TRIM37: variants seen among roughly 807,000 people sequenced by gnomAD.
The protein encoded by TRIM37 is E3 ubiquitin-protein ligase TRIM37.
TRIM37 carries 80 observed loss-of-function variants against 129.8 expected under a neutral mutation model. That is an observed-to-expected ratio of 0.62 (90% CI 0.51 to 0.74). The LOEUF is 0.74. TRIM37 is among the 30% of genes least tolerant of loss of function. The pLI, the probability that TRIM37 is intolerant of heterozygous loss-of-function variation, is 0.00. For missense variants in TRIM37, 1,054 were observed against 1,176.5 expected (o/e 0.90, Z 1.52); for synonymous variants, 389 against 387.1 (o/e 1.00, Z -0.06).
chr17:58,973,915 G>C, the TRIM37 span, among the ~76,000 whole-genome samples: 1 of 136,334 alleles, frequency 7.3e-6, no homozygotes, highest in Admixed American at 8.4e-5. Flanking sequence ...TCGCGCCACT[G>C]CGCTCCAGGC....
intron 8 of TRIM37, among the ~76,000 whole-genome samples, chr17:59,074,945 G>A (rs1480637584): frequency 1.3e-5 from 2 of 152,052 alleles, no homozygotes; most frequent in Admixed American, 6.6e-5. Context: ...ATCTATTTAG[G>A]ACTTAATATT....
intron 3 of TRIM37, among the ~76,000 whole-genome samples, chr17:59,088,714 T>C (rs1424522403): frequency 1.3e-5 from 2 of 151,806 alleles, no homozygotes; most frequent in African/African-American, 2.4e-5. Context: ...ACGGGAATCT[T>C]GCTATATTTC....
intron 3 of TRIM37, among the ~76,000 whole-genome samples, chr17:59,090,839 T>C (rs2044234360): frequency 6.6e-6 from 1 of 152,174 alleles, no homozygotes. Context: ...TTGGCCAGGC[T>C]GGTGTCGAAT....
the TRIM37 span, among the ~76,000 whole-genome samples, chr17:58,968,518 C>T: frequency 2.6e-5 from 4 of 152,134 alleles, no homozygotes; most frequent in Non-Finnish European, 5.9e-5. Flanking sequence ...GCAACTCGTC[C>T]CTGCCTAACA....
At chr17:59,087,781 G>C (rs2043904741) in intron 4 of TRIM37, among the ~76,000 whole-genome samples, 1 of 152,080 alleles carries the variant, frequency 6.6e-6, no homozygotes, top group Non-Finnish European at 1.5e-5. Flanking sequence ...ATTATTGCTG[G>C]ACAGTGAAGC....
chr17:59,053,565 A>T (rs1190953936), intron 13 of TRIM37, among the ~76,000 whole-genome samples: 2 of 152,004 alleles, frequency 1.3e-5, no homozygotes, highest in Non-Finnish European at 1.5e-5. Flanking sequence ...AATGTTGCTT[A>T]AAAAAAATGA....
In TRIM37 at chr17:59,028,700, C is replaced by T; in HGVS notation, c.1972G>A (p.Asp658Asn). ...CACATTGCCTGTTGCTTCCTTTGGT[C>T]TTTATCTTTTCGAGAATATGATGCT... ...PTASYSRKDK[D>N]QRKQQAMWRV... The change falls in exon 19 of 24, where the codon GAC (aspartate) becomes AAC (asparagine). Residue 658 changes from aspartate (D) to asparagine (N), a missense_variant. Asp to Asn is a conservative substitution (Grantham distance 23). Coordinates refer to ENST00000262294, the MANE Select transcript of TRIM37 (RefSeq NM_015294.6). 1.2e-6 allele frequency: 2 copies of T among 1,614,102 alleles called. No homozygotes were observed. The highest frequency in any genetic ancestry group is 1.7e-6 in the Non-Finnish European group (2 of 1,180,010).
intron 8 of TRIM37, 74 bp downstream of exon 8, chr17:59,075,563 CAAAAAAAAAA>C: frequency 6.2e-6 from 3 of 487,256 alleles, no homozygotes; most frequent in Non-Finnish European, 9.7e-6. Flanking sequence ...GACTCCATCT[CAAAAAAAAAA>C]AAAAAAAAAA....
intron 22 of TRIM37, among the ~76,000 whole-genome samples, chr17:59,007,323 G>C (rs1020878992): frequency 6.8e-6 from 1 of 148,114 alleles, no homozygotes; most frequent in Admixed American, 7.0e-5. Flanking sequence ...CTTATTGAGA[G>C]ATTTGTTAAT....
At chr17:59,029,735 C>T (rs948280714) in intron 18 of TRIM37, among the ~76,000 whole-genome samples, 1 of 152,062 alleles carries the variant, frequency 6.6e-6, no homozygotes, top group African/African-American at 2.4e-5. Context: ...CCTGTCTCTA[C>T]AAAAAATTGT....
chr17:59,017,059 G>A (rs1472606171), intron 20 of TRIM37, among the ~76,000 whole-genome samples: 1 of 152,046 alleles, frequency 6.6e-6, no homozygotes, highest in Admixed American at 6.6e-5. Flanking sequence ...CAGCTACTTG[G>A]TGGGGCTGAG....
At chr17:58,996,832 A>G (rs893005076), downstream of TRIM37, among the ~76,000 whole-genome samples, 4 of 151,436 alleles carry the variant, frequency 2.6e-5, no homozygotes, top group Admixed American at 1.3e-4. Flanking sequence ...ATGTATGTAT[A>G]TATATGTATA....
At chr17:58,967,784 C>T in the TRIM37 span, among the ~76,000 whole-genome samples, 1 of 150,268 alleles carries the variant, frequency 6.7e-6, no homozygotes, top group Non-Finnish European at 1.5e-5. Context: ...GAAATTCTAC[C>T]TGTCAGCATT....
chr17:59,106,590 A>T lies in TRIM37; in HGVS notation c.-129T>A. The T allele has an allele frequency of 8.9e-7, 1 of 1,126,522 alleles. No individual in the cohort carries two copies. Among genetic ancestry groups the T allele is most frequent in the African/African-American group, 1.5e-5 (1 of 64,984 alleles). The allele number at this position is 1,126,522 out of a possible 1,614,324, so 69.8% of individuals were successfully genotyped here. ...GGCGCCCACGTCAGGGGGCTCTGACAACCGCCCCACCTGCGCGCCCCATCT... is the reference window on the plus strand; with the variant it reads ...GGCGCCCACGTCAGGGGGCTCTGACTACCGCCCCACCTGCGCGCCCCATCT... On this transcript the variant is annotated 5_prime_UTR_variant, in exon 1 of 24. Coordinates refer to ENST00000262294, the MANE Select transcript of TRIM37 (RefSeq NM_015294.6).
chr17:59,041,778 A>C (rs2039182060), intron 17 of TRIM37, 35 bp downstream of exon 17: 3 of 1,504,894 alleles, frequency 2.0e-6, no homozygotes, highest in African/African-American at 1.4e-5. Context: ...GAGAGAAAAC[A>C]GAATGGCTTG....
At chr17:59,066,586 A>C (rs1246546365) in intron 9 of TRIM37, among the ~76,000 whole-genome samples, 1 of 152,232 alleles carries the variant, frequency 6.6e-6, no homozygotes, top group Non-Finnish European at 1.5e-5. Flanking sequence ...ACTAACACTC[A>C]TGAACCAAGA....
At chr17:58,987,104 C>A (rs1398816141) in intron 24 of TRIM37, among the ~76,000 whole-genome samples, 3 of 152,144 alleles carry the variant, frequency 2.0e-5, no homozygotes, top group Non-Finnish European at 4.4e-5. Context: ...CCCTCACACA[C>A]AGGTTCTATT....
intron 17 of TRIM37, among the ~76,000 whole-genome samples, chr17:59,034,455 G>T (rs981838322): frequency 6.6e-6 from 1 of 151,810 alleles, no homozygotes; most frequent in South Asian, 2.1e-4. Flanking sequence ...TGCCTCCCAG[G>T]TTCAAGCAAT....
intron 2 of TRIM37, among the ~76,000 whole-genome samples, chr17:59,096,255 TA>T (rs1225225529): frequency 2.0e-5 from 3 of 147,600 alleles, no homozygotes; most frequent in Admixed American, 1.4e-4. Context: ...AAAGAGAGTT[TA>T]AAAAAAAAAC....
Sources: gnomAD v4.1 joint callset for allele counts (sites outside exome capture counted in the v4.1 genomes callset) on GRCh38, gnomAD v4.1.1 for gene constraint, MANE v1.5 for transcripts, NCBI Gene and HGNC (gene_info 2026-07-23, HGNC 2026-07-21) for gene names.